Variants in MEI1 observed in about 807,000 individuals in gnomAD.
MEI1 encodes meiosis inhibitor protein 1.
In MEI1, 103 loss-of-function variants were observed where a neutral mutation model predicts 146.2. That is an observed-to-expected ratio of 0.70 (90% confidence interval 0.60 to 0.83). The LOEUF is 0.83. Ranked by LOEUF, MEI1 falls within the 40% of genes least tolerant of loss-of-function variation. MEI1 has a pLI of 0.00. For synonymous variants in MEI1, 652 were observed against 628.2 expected (o/e 1.04, Z -0.57); for missense variants, 1,529 against 1,533.0 (o/e 1.00, Z 0.04).
At chr22:41,752,400 A>C (rs565807630) in intron 15 of MEI1, 191 bp from the exon 16 acceptor site, 2 of 593,870 alleles carry the variant, frequency 3.4e-6, no homozygotes, top group African/African-American at 3.7e-5. Flanking sequence ...GTGAGGTACA[A>C]ATATCAAAAC....
intron 15 of MEI1, 38 bp from the exon 16 acceptor site, chr22:41,752,553 T>C: frequency 1.9e-6 from 3 of 1,560,612 alleles, no homozygotes; most frequent in South Asian, 1.2e-5. Flanking sequence ...ACAAGTCTGG[T>C]TTAAACTGCT....
At chr22:41,781,426 T>G in intron 23 of MEI1, 32 bp downstream of exon 23, 2 of 1,536,450 alleles carry the variant, frequency 1.3e-6, no homozygotes, top group Non-Finnish European at 1.8e-6. Context: ...CAGTGAAGAG[T>G]GCTGGGCAGT....
chr22:41,749,368 CGGGT>C (rs1275825729), intron 15 of MEI1, among the ~76,000 whole-genome samples: 1 of 152,004 alleles, frequency 6.6e-6, no homozygotes, highest in Non-Finnish European at 1.5e-5. Flanking sequence ...CTCCGCCTCC[CGGGT>C]TCAAGTGATT....
At chr22:41,787,266 T>G (rs2076024785) in intron 26 of MEI1, among the ~76,000 whole-genome samples, 1 of 152,196 alleles carries the variant, frequency 6.6e-6, no homozygotes, top group African/African-American at 2.4e-5. Flanking sequence ...GAATATTGGC[T>G]GGGACTCTGG....
chr22:41,745,737 TG>T, intron 13 of MEI1, 147 bp from the exon 14 acceptor site: 1 of 681,446 alleles, frequency 1.5e-6, no homozygotes, highest in Non-Finnish European at 2.3e-6. Context: ...CTCCTCATTG[TG>T]GTCTATTGAA....
intron 18 of MEI1, among the ~76,000 whole-genome samples, chr22:41,760,579 C>T (rs1423824416): frequency 6.6e-6 from 1 of 152,082 alleles, no homozygotes; most frequent in Non-Finnish European, 1.5e-5. Context: ...TAGACAGAAC[C>T]TCTCAGACAC....
intron 18 of MEI1, 41 bp downstream of exon 18, chr22:41,758,574 A>G: frequency 6.3e-7 from 1 of 1,578,820 alleles, no homozygotes; most frequent in Non-Finnish European, 8.6e-7. Flanking sequence ...GGGTCTTGGG[A>G]CCTTCATCAG....
intron 17 of MEI1, 83 bp downstream of exon 17, chr22:41,754,129 G>C: frequency 9.9e-7 from 1 of 1,005,442 alleles, no homozygotes; most frequent in African/African-American, 1.6e-5. Context: ...TAGATAGTGA[G>C]TTAGTACAGC....
intron 19 of MEI1, among the ~76,000 whole-genome samples, chr22:41,765,436 A>G (rs1381985232): frequency 6.6e-6 from 1 of 152,162 alleles, no homozygotes; most frequent in Non-Finnish European, 1.5e-5. Context: ...AGCCATGTTC[A>G]TGCCACCGCA....
chr22:41,743,797 C>T (rs1411872170), intron 12 of MEI1, among the ~76,000 whole-genome samples: 4 of 152,274 alleles, frequency 2.6e-5, no homozygotes, highest in Non-Finnish European at 2.9e-5. Context: ...TAGCCTGTGA[C>T]AGCTTTCTGC....
At chr22:41,778,857 C>G in intron 22 of MEI1, 45 bp downstream of exon 22, 1 of 1,396,506 alleles carries the variant, frequency 7.2e-7, no homozygotes, top group Non-Finnish European at 1.0e-6. Context: ...CAGGGCTGGA[C>G]GTGCAGTGGG....
chr22:41,796,437 G>GC (rs371698908), intron 30 of MEI1, among the ~76,000 whole-genome samples: 14 of 150,562 alleles, frequency 9.3e-5, no homozygotes, highest in Non-Finnish European at 1.3e-4. Flanking sequence ...CTTGCGATCT[G>GC]CCCCCCTCGG....
chr22:41,748,167 A>G lies in MEI1; in HGVS notation c.1741A>G (p.Asn581Asp). 6.2e-7 allele frequency: 1 copy of G among 1,613,936 alleles called. No individual in the cohort carries two copies. The highest frequency in any genetic ancestry group is 8.5e-7 in the Non-Finnish European group (1 of 1,179,864). ...GGAAGTTTTCCTCTCAATTCTACATAACCTCTTTGTCATCGTTCCCCACAT... is the reference window on the plus strand; with the variant it reads ...GGAAGTTTTCCTCTCAATTCTACATGACCTCTTTGTCATCGTTCCCCACAT... ...LMEVFLSILH[N>D]LFVIVPHMKE... is the part of the protein sequence containing the mutation. The change falls in exon 15 of 31, where the codon AAC becomes GAC. Residue 581 changes from asparagine (N) to aspartate (D), a missense_variant. Around this residue, in one of 3 missense-constraint regions of MEI1, gnomAD observed 1,212 missense variants for 1,178.9 expected, o/e 1.03. Coordinates refer to ENST00000401548, the MANE Select transcript of MEI1 (RefSeq NM_152513.4).
At chr22:41,789,989 A>G (rs2076119802) in intron 26 of MEI1, among the ~76,000 whole-genome samples, 2 of 152,168 alleles carry the variant, frequency 1.3e-5, no homozygotes, top group Admixed American at 6.5e-5. Flanking sequence ...TTCAGCCACA[A>G]TGTCCCCTCT....
chr22:41,729,500 C>T (rs1308134081), intron 7 of MEI1, among the ~76,000 whole-genome samples, 165 bp from the exon 8 acceptor site: 1 of 152,226 alleles, frequency 6.6e-6, no homozygotes, highest in African/African-American at 2.4e-5. Context: ...GAGACCCCTT[C>T]CCATAATCCA....
intron 11 of MEI1, among the ~76,000 whole-genome samples, chr22:41,739,576 C>T (rs1226280169): frequency 1.5e-5 from 2 of 136,642 alleles, no homozygotes; most frequent in South Asian, 2.1e-4. Flanking sequence ...ATAGCATTTA[C>T]GTGACAGTGA....
intron 16 of MEI1, among the ~76,000 whole-genome samples, chr22:41,753,092 C>T (rs985931839): frequency 2.6e-5 from 4 of 151,396 alleles, no homozygotes; most frequent in Admixed American, 2.0e-4. Context: ...AATCTTGGCT[C>T]ACTGCAACAA....
intron 7 of MEI1, among the ~76,000 whole-genome samples, chr22:41,726,909 G>A (rs1036567022): frequency 4.6e-5 from 7 of 151,834 alleles, no homozygotes; most frequent in Non-Finnish European, 8.8e-5. Flanking sequence ...GAGTAGCTGG[G>A]ACTACAGGCG....
chr22:41,748,567 G>A (rs1046272642), intron 15 of MEI1, among the ~76,000 whole-genome samples: 3 of 152,008 alleles, frequency 2.0e-5, no homozygotes, highest in African/African-American at 4.8e-5. Flanking sequence ...TAACATTAGC[G>A]ACTAATTATT....
Sources: gnomAD v4.1 joint callset for allele counts (sites outside exome capture counted in the v4.1 genomes callset) on GRCh38, gnomAD v4.1.1 for gene constraint, gnomAD v4.1.1 regional missense constraint, MANE v1.5 for transcripts, NCBI Gene and HGNC (gene_info 2026-07-23, HGNC 2026-07-21) for gene names.